PCDHA3: variants seen among roughly 807,000 people sequenced by gnomAD.
PCDHA3 encodes protocadherin alpha 3.
In PCDHA3, 41 loss-of-function variants were observed where a neutral mutation model predicts 62.2. The ratio of observed to expected loss-of-function variants is 0.66; its 90% CI spans 0.51 to 0.86. PCDHA3 has a LOEUF of 0.86. Ranked by LOEUF, PCDHA3 falls within the 40% of genes least tolerant of loss-of-function variation. PCDHA3 has a pLI of 0.00. For missense variants in PCDHA3, 1,304 were observed against 1,241.2 expected, an observed-to-expected ratio of 1.05 and a Z score of -0.76; for synonymous variants, 640 against 555.4, an observed-to-expected ratio of 1.15 and a Z score of -2.14.
At position 140,801,700 on chromosome 5, in the gene PCDHA3, T is replaced by A; in HGVS notation, c.503T>A (p.Leu168Ter). Reference sequence around the variant, plus strand: ...GCAGATATCGGAACAAATTCGTTGTTGACTTACAGTCTTGATTCCACTGAA... The same window carrying A: ...GCAGATATCGGAACAAATTCGTTGTAGACTTACAGTCTTGATTCCACTGAA... The part of the protein sequence containing the change: ...SDADIGTNSL[L>*]TYSLDSTEYF... The change falls in exon 1 of 4, where the codon TTG (leucine) becomes TAG (stop). Residue 168 changes from leucine to a stop codon, truncating the protein, a stop_gained. Coordinates refer to ENST00000522353, the MANE Select transcript of PCDHA3 (RefSeq NM_018906.3). LOFTEE classifies it high-confidence loss of function. The A allele has an allele frequency of 6.2e-7, 1 of 1,614,224 alleles. No individual in the cohort carries two copies. Among genetic ancestry groups the A allele is most frequent in the Non-Finnish European group, 8.5e-7 (1 of 1,180,048 alleles).
At chr5:140,882,367 C>G in intron 1 of PCDHA3, 22 of 1,614,228 alleles carry the variant, frequency 1.4e-5, no homozygotes, top group Non-Finnish European at 1.7e-5. Flanking sequence ...AGCTCCACTA[C>G]TCCGTCCCCG....
At position 140,883,390 on chromosome 5, in the gene PCDHA3, G is replaced by A. The variant is rs373348994; in HGVS notation, c.2394+79799G>A. The A allele has an allele frequency of 2.5e-6, 4 of 1,614,050 alleles. No homozygotes were observed. The African/African-American group carries it at 5.3e-5, about 22-fold the overall frequency. ...GCGCCATTATTGCCCTAATCAGTGT[G>A]TCCGATCGTGACTCTGGCTCAAATG... is the stretch of plus-strand genomic sequence containing the variant. On this transcript the variant is annotated intron_variant, in intron 1 of 3. Coordinates refer to ENST00000522353, the MANE Select transcript of PCDHA3 (RefSeq NM_018906.3).
intron 1 of PCDHA3, chr5:140,804,151 A>G (rs1053300158): frequency 1.3e-5 from 2 of 152,448 alleles, no homozygotes; most frequent in African/African-American, 2.4e-5. Context: ...TGGAGTCTCA[A>G]TCCTTATTTT....
At chr5:140,816,734 C>T (rs1765976925) in intron 1 of PCDHA3, 1 of 152,004 alleles carries the variant, frequency 6.6e-6, no homozygotes, top group Non-Finnish European at 1.5e-5. Context: ...CAAACCTTTT[C>T]TGTGGATGCA....
At chr5:140,871,719 T>C in intron 1 of PCDHA3, 1 of 783,566 alleles carries the variant, frequency 1.3e-6, no homozygotes, top group Non-Finnish European at 1.9e-6. Context: ...CCTATTTCTC[T>C]TAATATTTGG....
intron 1 of PCDHA3, chr5:140,842,511 T>G: frequency 6.2e-7 from 1 of 1,613,722 alleles, no homozygotes; most frequent in Non-Finnish European, 8.5e-7. Flanking sequence ...CCCTTCAAGC[T>G]GGTGTCCACC....
chr5:140,973,362 A>G (rs2096583702), intron 1 of PCDHA3, among the ~76,000 whole-genome samples: 1 of 152,256 alleles, frequency 6.6e-6, no homozygotes, highest in Non-Finnish European at 1.5e-5. Flanking sequence ...ATTTATAAAA[A>G]TTGCACAATG....
chr5:140,957,523 T>G (rs987363578), intron 1 of PCDHA3, among the ~76,000 whole-genome samples: 1 of 152,156 alleles, frequency 6.6e-6, no homozygotes, highest in African/African-American at 2.4e-5. Context: ...TTTCAGACAT[T>G]CAGTGGGGAT....
In PCDHA3 at chr5:140,847,506, T is replaced by C. The variant is rs1397904253; in HGVS notation, c.2394+43915T>C. ...GATAGTAAAACTCACAACAAAACTT[T>C]GTAGAACTTAGTCAGGAAAAGAATC... On this transcript the variant is annotated intron_variant, in intron 1 of 3. Transcript: ENST00000522353. 2.0e-5 allele frequency: 3 copies of C among 149,790 alleles called. No individual in the cohort carries two copies. The Admixed American group carries it at 2.0e-4, about 10-fold the overall frequency. The allele number at this position is 149,790 out of a possible 1,614,324, so 9.3% of individuals were successfully genotyped here. A position where few individuals can be genotyped will look rare whatever the true frequency, so the allele number is the denominator to read the frequency against.
At chr5:140,813,025 C>T (rs2126643316) in intron 1 of PCDHA3, 14 of 152,074 alleles carry the variant, frequency 9.2e-5, no homozygotes, top group Non-Finnish European at 1.6e-4. Flanking sequence ...TTTCAACCTT[C>T]TTGAATTTGT....
chr5:140,822,052 G>A, intron 1 of PCDHA3: 1 of 1,614,246 alleles, frequency 6.2e-7, no homozygotes, highest in Non-Finnish European at 8.5e-7. Context: ...CGACCGGGAG[G>A]AGCTGTGCCG....
chr5:140,899,468 G>C (rs1243330987), intron 1 of PCDHA3, among the ~76,000 whole-genome samples: 2 of 152,080 alleles, frequency 1.3e-5, no homozygotes, highest in African/African-American at 4.8e-5. Context: ...TTTGTCTTTG[G>C]TTCTGTTTAT....
intron 1 of PCDHA3, among the ~76,000 whole-genome samples, chr5:140,934,122 TATTA>T (rs2153618298): frequency 6.6e-6 from 1 of 152,300 alleles, no homozygotes; most frequent in East Asian, 1.9e-4. Flanking sequence ...TTTCATACTT[TATTA>T]ATTTATTTCC....
At chr5:140,967,354 C>T in intron 1 of PCDHA3, 1 of 1,607,952 alleles carries the variant, frequency 6.2e-7, no homozygotes, top group South Asian at 1.1e-5. Flanking sequence ...TCGAGCTGGA[C>T]CTTAAGCCCC....
chr5:140,927,948 C>G, intron 1 of PCDHA3: 4 of 1,614,190 alleles, frequency 2.5e-6, no homozygotes, highest in Non-Finnish European at 3.4e-6. Flanking sequence ...TACCTGAGGA[C>G]GCTGCCCCTG....
At chr5:140,981,683 T>A (rs1484532280) in intron 2 of PCDHA3, among the ~76,000 whole-genome samples, 5 of 152,034 alleles carry the variant, frequency 3.3e-5, no homozygotes, top group Non-Finnish European at 5.9e-5. Flanking sequence ...CCTTCCTCCC[T>A]TCCATCATTC....
chr5:140,948,142 T>G (rs1194720907), intron 1 of PCDHA3, among the ~76,000 whole-genome samples: 1 of 151,674 alleles, frequency 6.6e-6, no homozygotes, highest in Admixed American at 6.6e-5. Flanking sequence ...CTAATTGATT[T>G]TTGAATGTTG....
At chr5:140,901,539 A>G (rs192107124) in intron 1 of PCDHA3, among the ~76,000 whole-genome samples, 2 of 152,070 alleles carry the variant, frequency 1.3e-5, no homozygotes, top group East Asian at 1.9e-4. Context: ...TTGGTTCTCT[A>G]TTCTGTTCCA....
chr5:140,967,361 C>G (rs1323729968), intron 1 of PCDHA3: 9 of 1,607,256 alleles, frequency 5.6e-6, no homozygotes, highest in African/African-American at 1.3e-5. Context: ...GGACCTTAAG[C>G]CCCTGCAGGA....
Sources: allele counts gnomAD v4.1 joint callset (sites outside exome capture counted in the v4.1 genomes callset), GRCh38; gene constraint gnomAD v4.1.1; transcripts MANE v1.5; gene names NCBI Gene and HGNC (gene_info 2026-07-23, HGNC 2026-07-21).